DENND1B: variants seen among roughly 807,000 people sequenced by gnomAD.
DENND1B encodes DENN domain-containing protein 1B.
In DENND1B, 59 loss-of-function variants were observed where a neutral mutation model predicts 90.1. The ratio of observed to expected loss-of-function variants is 0.65; its 90% CI spans 0.53 to 0.81. The LOEUF is 0.81. Ranked by LOEUF, DENND1B falls within the 40% of genes least tolerant of loss-of-function variation. The probability of loss-of-function intolerance (pLI) is 0.00; values close to 1 mark genes in which losing one functional copy is unlikely to be tolerated. For synonymous variants in DENND1B, 337 were observed against 324.6 expected (o/e 1.04, Z -0.41); for missense variants, 862 against 912.6 (o/e 0.94, Z 0.71).
chr1:197,756,174 TTAAC>T (rs1230149180), intron 2 of DENND1B, among the ~76,000 whole-genome samples: 11 of 152,236 alleles, frequency 7.2e-5, no homozygotes, highest in African/African-American at 2.4e-4. Flanking sequence ...AATATTTTGA[TTAAC>T]TAACTGATTG....
chr1:197,653,232 A>G (rs1462868527), intron 6 of DENND1B, among the ~76,000 whole-genome samples: 1 of 152,106 alleles, frequency 6.6e-6, no homozygotes, highest in Non-Finnish European at 1.5e-5. Context: ...GTATTTCTTG[A>G]TCATTTAAAC....
At chr1:197,529,281 T>A (rs1266506025) in intron 20 of DENND1B, among the ~76,000 whole-genome samples, 1 of 144,038 alleles carries the variant, frequency 6.9e-6, no homozygotes, top group Non-Finnish European at 1.5e-5. Flanking sequence ...TATGTATATA[T>A]GTATATATAT....
intron 14 of DENND1B, among the ~76,000 whole-genome samples, chr1:197,589,737 C>T (rs1013667440): frequency 1.3e-5 from 2 of 152,144 alleles, no homozygotes; most frequent in Admixed American, 6.5e-5. Flanking sequence ...CCTTGTCAAA[C>T]GGAGGACCGG....
intron 16 of DENND1B, among the ~76,000 whole-genome samples, chr1:197,548,824 C>T (rs919432303): frequency 6.6e-5 from 10 of 152,066 alleles, no homozygotes; most frequent in East Asian, 1.9e-4. Context: ...AGAGAATTAC[C>T]GGTAATAATC....
intron 2 of DENND1B, among the ~76,000 whole-genome samples, chr1:197,765,092 A>G (rs1318281798): frequency 2.6e-5 from 4 of 152,222 alleles, no homozygotes; most frequent in Admixed American, 1.3e-4. Context: ...ATTCAGTGTC[A>G]TAAGAATTAG....
the DENND1B span, among the ~76,000 whole-genome samples, chr1:197,781,280 T>C: frequency 6.6e-6 from 1 of 152,186 alleles, no homozygotes; most frequent in Non-Finnish European, 1.5e-5. Context: ...AAGCATCTCA[T>C]GAGTTGTAGC....
intron 10 of DENND1B, among the ~76,000 whole-genome samples, chr1:197,637,690 A>G (rs1679917056): frequency 6.6e-6 from 1 of 152,192 alleles, no homozygotes; most frequent in Admixed American, 6.5e-5. Context: ...TAAACTGGTA[A>G]GTAGAATTAT....
chr1:197,505,463 T>G lies in DENND1B; in HGVS notation c.*4997A>C, dbSNP rs1364803645. On this transcript the variant is annotated 3_prime_UTR_variant, in exon 23 of 23. Coordinates refer to ENST00000620048, the MANE Select transcript of DENND1B (RefSeq NM_001195215.2). ...AATCATTTGTGACTTTCCAATATTT[T>G]AAAATAAAAGATTGAATAACTTTAC... 1 of 151,684 alleles carries G rather than the reference T, an allele frequency of 6.6e-6. No individual in the cohort carries two copies. Among genetic ancestry groups the G allele is most frequent in the Non-Finnish European group, 1.5e-5 (1 of 67,758 alleles). 9.4% of individuals were successfully genotyped at this position (151,684 alleles called of 1,614,324 possible).
At chr1:197,688,546 G>A (rs1265207293) in intron 3 of DENND1B, among the ~76,000 whole-genome samples, 2 of 151,938 alleles carry the variant, frequency 1.3e-5, no homozygotes, top group Admixed American at 6.6e-5. Flanking sequence ...TTTCAACAAG[G>A]GTACCAGGAA....
intron 5 of DENND1B, among the ~76,000 whole-genome samples, chr1:197,668,424 G>A (rs551222050): frequency 6.6e-6 from 1 of 151,748 alleles, no homozygotes; most frequent in East Asian, 1.9e-4. Flanking sequence ...GTTACAAAAT[G>A]TACCATAATA....
intron 3 of DENND1B, among the ~76,000 whole-genome samples, chr1:197,696,140 G>A (rs1212354676): frequency 6.6e-6 from 1 of 151,232 alleles, no homozygotes; most frequent in Admixed American, 6.6e-5. Flanking sequence ...TGAGTAGACT[G>A]GATTTAATGT....
chr1:197,772,163 C>T (rs954166139), intron 2 of DENND1B, among the ~76,000 whole-genome samples: 3 of 152,050 alleles, frequency 2.0e-5, no homozygotes, highest in Non-Finnish European at 4.4e-5. Flanking sequence ...GGTGTAGTTT[C>T]CATTGGTACT....
At chr1:197,544,825 A>G (rs1470663231) in intron 18 of DENND1B, among the ~76,000 whole-genome samples, 1 of 148,624 alleles carries the variant, frequency 6.7e-6, no homozygotes, top group Non-Finnish European at 1.5e-5. Context: ...AAGAGGAGGA[A>G]GAAGAGGAAG....
chr1:197,645,698 G>A lies in DENND1B; in HGVS notation c.553C>T (p.Pro185Ser). 1.3e-6 allele frequency: 2 copies of A among 1,557,218 alleles called. No individual in the cohort carries two copies. The highest frequency in any genetic ancestry group is 2.3e-5 in the East Asian group (1 of 43,180). Residue 185 changes from proline (P) to serine (S), a missense_variant, in exon 9 of 23, where the codon CCC becomes TCC. Coordinates refer to ENST00000620048, the MANE Select transcript of DENND1B (RefSeq NM_001195215.2). ...APDVTGLPTI[P>S]ESRNLTEYFV... ...GAAAATAGGAAACTTACACTCTCGG[G>A]TATTGTTGGGAGTCCAGTTACATCA...
At chr1:197,558,840 A>ACAG (rs1671924093) in intron 15 of DENND1B, among the ~76,000 whole-genome samples, 1 of 151,942 alleles carries the variant, frequency 6.6e-6, no homozygotes, top group African/African-American at 2.4e-5. Flanking sequence ...GTTGCTTTAA[A>ACAG]TATACTTCAG....
intron 15 of DENND1B, among the ~76,000 whole-genome samples, chr1:197,576,176 G>A (rs191948937): frequency 2.0e-5 from 3 of 152,270 alleles, no homozygotes; most frequent in Admixed American, 2.0e-4. Flanking sequence ...AGAGGCTATG[G>A]CGGAATGACA....
At chr1:197,667,448 T>G (rs1223073465) in intron 5 of DENND1B, among the ~76,000 whole-genome samples, 1 of 152,100 alleles carries the variant, frequency 6.6e-6, no homozygotes, top group Non-Finnish European at 1.5e-5. Flanking sequence ...ATCTTTTTTT[T>G]CCGAGACAGA....
chr1:197,683,022 G>A (rs189545000), intron 3 of DENND1B, among the ~76,000 whole-genome samples: 120 of 152,192 alleles, frequency 7.9e-4, no homozygotes, highest in African/African-American at 1.7e-3. Context: ...GGAAATCAGC[G>A]AGTGTTTGTC....
intron 6 of DENND1B, among the ~76,000 whole-genome samples, chr1:197,653,403 A>G (rs1398048324): frequency 6.6e-6 from 1 of 152,196 alleles, no homozygotes; most frequent in African/African-American, 2.4e-5. Context: ...TGTGGCTCAT[A>G]TTGATATTCT....
Sources: allele counts gnomAD v4.1 joint callset (sites outside exome capture counted in the v4.1 genomes callset), GRCh38; gene constraint gnomAD v4.1.1; transcripts MANE v1.5; gene names NCBI Gene and HGNC (gene_info 2026-07-23, HGNC 2026-07-21).